MPP7: variants seen among roughly 807,000 people sequenced by gnomAD.
MPP7 encodes MAGUK p55 subfamily member 7.
MPP7 carries 60 observed loss-of-function variants against 76.5 expected under a neutral mutation model. The observed-to-expected ratio is 0.78, with a 90% CI of 0.64 to 0.97. The LOEUF (loss-of-function observed/expected upper bound fraction) is 0.97, where lower values mean the gene tolerates loss of function less well. Ranked by LOEUF, MPP7 falls within the 50% of genes least tolerant of loss-of-function variation. The probability of loss-of-function intolerance (pLI) is 0.00; values close to 1 mark genes in which losing one functional copy is unlikely to be tolerated. For synonymous variants in MPP7, 237 were observed against 244.5 expected (o/e 0.97, Z 0.29); for missense variants, 641 against 694.0 (o/e 0.92, Z 0.86).
chr10:28,297,872 T>C (rs1001501788), intron 1 of MPP7, among the ~76,000 whole-genome samples: 3 of 152,230 alleles, frequency 2.0e-5, no homozygotes, highest in Non-Finnish European at 4.4e-5. Context: ...AAATCGTTCA[T>C]TGTCATTTCA....
At chr10:28,150,143 T>C (rs1835836297) in intron 3 of MPP7, 84 bp from the exon 4 acceptor site, 2 of 931,278 alleles carry the variant, frequency 2.1e-6, no homozygotes, top group Middle Eastern at 4.3e-4. Flanking sequence ...GAAAAGAGAA[T>C]CTGAATCCTT....
At chr10:28,326,680 C>A (rs1381338005) in intron 2 of MPP7, among the ~76,000 whole-genome samples, 1 of 152,190 alleles carries the variant, frequency 6.6e-6, no homozygotes, top group Admixed American at 6.5e-5. Context: ...TTTCAAATTG[C>A]CTGTCCACAG....
chr10:28,108,606 G>A (rs1376215596), intron 11 of MPP7, among the ~76,000 whole-genome samples: 3 of 151,934 alleles, frequency 2.0e-5, no homozygotes, highest in Admixed American at 1.3e-4. Context: ...GCAGAGAGCC[G>A]AGATCATGCC....
chr10:28,317,995 G>A (rs1834337902), intron 2 of MPP7, among the ~76,000 whole-genome samples: 1 of 152,300 alleles, frequency 6.6e-6, no homozygotes, highest in South Asian at 2.1e-4. Flanking sequence ...CAGTACACAA[G>A]CTGCACAACC....
chr10:28,266,453 T>G (rs181297336), intron 1 of MPP7, among the ~76,000 whole-genome samples: 1 of 152,030 alleles, frequency 6.6e-6, no homozygotes, highest in Non-Finnish European at 1.5e-5. Flanking sequence ...CATGAAGAAT[T>G]AGAAAAAGTT....
chr10:28,092,955 C>T (rs1588756554), intron 11 of MPP7, among the ~76,000 whole-genome samples: 1 of 152,132 alleles, frequency 6.6e-6, no homozygotes, highest in East Asian at 1.9e-4. Context: ...TGCTTGAGCA[C>T]AGTGGTTCTC....
At chr10:28,222,026 G>A (rs1228847173) in intron 2 of MPP7, among the ~76,000 whole-genome samples, 1 of 152,118 alleles carries the variant, frequency 6.6e-6, no homozygotes, top group Non-Finnish European at 1.5e-5. Flanking sequence ...AAAAGGTCAT[G>A]TTGTTTGAAG....
At position 28,146,413 on chromosome 10, in the gene MPP7, T is replaced by G. The variant is rs556403089; in HGVS notation, c.315+1070A>C. Among the ~76,000 whole-genome samples, 333 of 150,208 alleles carry G rather than the reference T, an allele frequency of 2.2e-3. 2 individuals carry two copies. Among genetic ancestry groups the G allele is most frequent in the African/African-American group, 3.9e-3 (161 of 41,036 alleles). ...TTTTTTTTTGTTTTTTTGTTTTTTT[T>G]TTTTTTGAGACGGAGTCTCGCTCTG... On this transcript the variant is annotated intron_variant, in intron 5 of 16. Coordinates refer to ENST00000683449, the MANE Select transcript of MPP7 (RefSeq NM_001318170.2).
At chr10:28,101,460 T>C (rs867948799) in intron 11 of MPP7, among the ~76,000 whole-genome samples, 1 of 151,004 alleles carries the variant, frequency 6.6e-6, no homozygotes, top group African/African-American at 2.4e-5. Flanking sequence ...CACCTAGGAG[T>C]AGATGTGGGT....
In MPP7 at chr10:28,058,588, T is replaced by C; in HGVS notation, c.1314A>G (p.Gly438=). ...DVQNNKFIEY[G]EYKNNYYGTS... is the part of the protein sequence containing the mutation. Reference sequence around the variant, plus strand: ...TGCCGTAGTAGTTGTTTTTATATTCTCCATATTCAATAAACCTGTAAAAAA... The same window carrying C: ...TGCCGTAGTAGTTGTTTTTATATTCCCCATATTCAATAAACCTGTAAAAAA... Residue 438 remains glycine, a synonymous_variant, in exon 15 of 17, where the codon GGA becomes GGG. Coordinates refer to ENST00000683449, the MANE Select transcript of MPP7 (RefSeq NM_001318170.2). 2 of 1,588,366 alleles carry C rather than the reference T, an allele frequency of 1.3e-6. No homozygotes were observed. Among genetic ancestry groups the C allele is most frequent in the Non-Finnish European group, 1.7e-6 (2 of 1,162,918 alleles).
At chr10:28,325,411 A>T (rs1356084565) in intron 2 of MPP7, among the ~76,000 whole-genome samples, 1 of 151,866 alleles carries the variant, frequency 6.6e-6, no homozygotes, top group Admixed American at 6.6e-5. Flanking sequence ...AGCACTTTGG[A>T]AGGCAGAGGC....
chr10:28,232,345 T>A (rs7092706), intron 2 of MPP7, among the ~76,000 whole-genome samples: 26,256 of 145,406 alleles, frequency 0.18, 2,570 homozygotes, highest in African/African-American at 0.27. Context: ...CAGAGTGAGA[T>A]CCTGTCTCTT....
intron 5 of MPP7, 112 bp downstream of exon 5, chr10:28,147,371 C>T (rs1252399558): frequency 2.6e-6 from 2 of 782,824 alleles, no homozygotes; most frequent in Non-Finnish European, 4.5e-6. Flanking sequence ...AAATACTGTG[C>T]CCTATTCAAA....
At chr10:28,107,282 C>T (rs1299916007) in intron 11 of MPP7, among the ~76,000 whole-genome samples, 7 of 152,112 alleles carry the variant, frequency 4.6e-5, no homozygotes. Context: ...GGACTGGGTC[C>T]CTGGTTGCTT....
At chr10:28,238,988 G>A (rs7916525) in intron 1 of MPP7, among the ~76,000 whole-genome samples, 13,636 of 152,104 alleles carry the variant, frequency 0.09, 698 homozygotes, top group Non-Finnish European at 0.12. Context: ...TTTGGGTTGA[G>A]GAACACTGAT....
At chr10:28,245,353 T>A (rs1212069364) in intron 1 of MPP7, among the ~76,000 whole-genome samples, 1 of 152,028 alleles carries the variant, frequency 6.6e-6, no homozygotes, top group Non-Finnish European at 1.5e-5. Context: ...TCAATCAATG[T>A]CCCCCACTAG....
intron 2 of MPP7, among the ~76,000 whole-genome samples, chr10:28,225,539 T>G (rs1838659910): frequency 6.6e-6 from 1 of 152,104 alleles, no homozygotes; most frequent in African/African-American, 2.4e-5. Context: ...AGAAGACAAA[T>G]GGCTAAAAAG....
chr10:28,185,615 C>T (rs1394230859), intron 3 of MPP7, among the ~76,000 whole-genome samples: 3 of 152,212 alleles, frequency 2.0e-5, no homozygotes, highest in African/African-American at 7.2e-5. Flanking sequence ...CATTATTACA[C>T]TCACACATCC....
At chr10:28,143,086 A>G (rs1453024653) in intron 5 of MPP7, among the ~76,000 whole-genome samples, 1 of 152,028 alleles carries the variant, frequency 6.6e-6, no homozygotes, top group African/African-American at 2.4e-5. Flanking sequence ...AGGCTACAAA[A>G]TGCCAAAAAT....
Sources: gnomAD v4.1 joint callset for allele counts (sites outside exome capture counted in the v4.1 genomes callset) on GRCh38, gnomAD v4.1.1 for gene constraint, MANE v1.5 for transcripts, NCBI Gene and HGNC (gene_info 2026-07-23, HGNC 2026-07-21) for gene names.